MAP3K13: variants seen among roughly 807,000 people sequenced by gnomAD.
MAP3K13 encodes mitogen-activated protein kinase kinase kinase 13.
Under a neutral mutation model 104.0 loss-of-function variants are expected in MAP3K13, and 52 were observed. That is an observed-to-expected ratio of 0.50 (90% CI 0.40 to 0.63). The LOEUF is 0.63. MAP3K13 is among the 20% of genes least tolerant of loss of function. The probability of loss-of-function intolerance (pLI) is 0.00; values close to 1 mark genes in which losing one functional copy is unlikely to be tolerated. For synonymous variants in MAP3K13, 394 were observed against 442.2 expected, an observed-to-expected ratio of 0.89 and a Z score of 1.37; for missense variants, 914 against 1,218.5, an observed-to-expected ratio of 0.75 and a Z score of 3.72.
intron 2 of MAP3K13, among the ~76,000 whole-genome samples, chr3:185,317,026 T>C (rs529805123): frequency 6.6e-6 from 1 of 152,326 alleles, no homozygotes; most frequent in South Asian, 2.1e-4. Flanking sequence ...AGGAAAAATA[T>C]TAAAAAGCAG....
chr3:185,293,933 T>C (rs550295797), intron 2 of MAP3K13, among the ~76,000 whole-genome samples: 1 of 152,340 alleles, frequency 6.6e-6, no homozygotes, highest in South Asian at 2.1e-4. Flanking sequence ...TATTTTAATA[T>C]CTATTCTGAT....
At chr3:185,331,206 G>A (rs1172910147) in intron 2 of MAP3K13, among the ~76,000 whole-genome samples, 1 of 142,374 alleles carries the variant, frequency 7.0e-6, no homozygotes, top group African/African-American at 2.6e-5. Context: ...CGATTCTCCT[G>A]CCTCAGCCTC....
chr3:185,477,043 C>T (rs1261414092), intron 11 of MAP3K13: 3 of 564,722 alleles, frequency 5.3e-6, no homozygotes, highest in Non-Finnish European at 1.0e-5. Flanking sequence ...CATCACTCAC[C>T]TCTGGACACT....
At chr3:185,404,812 G>A (rs376337129) in intron 1 of MAP3K13, among the ~76,000 whole-genome samples, 4 of 152,240 alleles carry the variant, frequency 2.6e-5, no homozygotes, top group African/African-American at 9.6e-5. Flanking sequence ...CCTGACCTCA[G>A]GTGATCCGCC....
chr3:185,433,305 T>C (rs748406811), intron 2 of MAP3K13, among the ~76,000 whole-genome samples: 2 of 152,152 alleles, frequency 1.3e-5, no homozygotes, highest in African/African-American at 4.8e-5. Flanking sequence ...ATCATAGTCA[T>C]TGGGAAGATA....
At chr3:185,348,195 A>C (rs147492651) in intron 2 of MAP3K13, among the ~76,000 whole-genome samples, 1 of 152,268 alleles carries the variant, frequency 6.6e-6, no homozygotes, top group African/African-American at 2.4e-5. Flanking sequence ...GTTTTCTGGA[A>C]TTCTACTTTT....
At chr3:185,353,658 T>A (rs531855696) in intron 2 of MAP3K13, among the ~76,000 whole-genome samples, 1 of 152,342 alleles carries the variant, frequency 6.6e-6, no homozygotes, top group South Asian at 2.1e-4. Flanking sequence ...AAAACTGACT[T>A]CACAATTTAC....
Position 185,487,073 on chromosome 3 carries a change from T to C in MAP3K13, c.*4617T>C, listed in dbSNP as rs1353037090. On this transcript the variant is annotated 3_prime_UTR_variant, in exon 14 of 14. Coordinates refer to ENST00000265026, the MANE Select transcript of MAP3K13 (RefSeq NM_004721.5). ...GATTTAGTAAGTACTGGACATCTCC[T>C]GTAGAGCTTCATCATGCTAAATTAT... The C allele has an allele frequency of 2.6e-5, 4 of 152,232 alleles. No homozygotes were observed. Among genetic ancestry groups the C allele is most frequent in the African/African-American group, 9.6e-5 (4 of 41,454 alleles). The allele number at this position is 152,232 out of a possible 1,614,324, so 9.4% of individuals were successfully genotyped here.
intron 2 of MAP3K13, among the ~76,000 whole-genome samples, chr3:185,317,813 A>C (rs191968535): frequency 6.6e-6 from 1 of 152,332 alleles, no homozygotes; most frequent in Admixed American, 6.5e-5. Context: ...TCTGTGGTGT[A>C]ACATTCAAGT....
chr3:185,286,495 TA>T (rs774819173), intron 2 of MAP3K13, among the ~76,000 whole-genome samples: 1,470 of 142,690 alleles, frequency 0.01, 10 homozygotes, highest in African/African-American at 0.022. Flanking sequence ...TGTTTGAAAT[TA>T]AAAAAAAAAA....
intron 2 of MAP3K13, among the ~76,000 whole-genome samples, chr3:185,311,060 C>T (rs1417443637): frequency 2.6e-5 from 4 of 152,194 alleles, no homozygotes. Context: ...CTCTAAAGCA[C>T]TCAACAAGTG....
Position 185,480,268 on chromosome 3 carries a change from A to T in MAP3K13, c.2538A>T (p.Ser846=). The part of the protein sequence containing the change: ...HRCISSCQSY[S]TFSSENFSVS... ...GTATCAGCAGCTGCCAGTCATATTC[A>T]ACCTTTAGCTCTGAGAATTTCTCTG... The change falls in exon 13 of 14, where the codon TCA becomes TCT. Residue 846 remains serine (S), a synonymous_variant. Coordinates refer to ENST00000265026, the MANE Select transcript of MAP3K13 (RefSeq NM_004721.5). 2 of 1,614,158 alleles carry T rather than the reference A, an allele frequency of 1.2e-6. No individual in the cohort carries two copies. Among genetic ancestry groups the T allele is most frequent in the South Asian group, 1.1e-5 (1 of 91,092 alleles).
chr3:185,488,248 G>A lies in MAP3K13; in HGVS notation c.*5792G>A, dbSNP rs1394063735. The stretch of plus-strand genomic sequence containing the variant: ...TCAGTATGAATTTAGTGCCTTTCCA[G>A]GCAGCAAAATGTTTCTTCTTTGCTG... On this transcript the variant is annotated 3_prime_UTR_variant, in exon 14 of 14. Coordinates refer to ENST00000265026, the MANE Select transcript of MAP3K13 (RefSeq NM_004721.5). 2 of 152,308 alleles carry A rather than the reference G, an allele frequency of 1.3e-5. No individual in the cohort carries two copies. Among genetic ancestry groups the A allele is most frequent in the South Asian group, 2.1e-4 (1 of 4,822 alleles). 9.4% of individuals were successfully genotyped at this position (152,308 alleles called of 1,614,324 possible). A position where few individuals can be genotyped will look rare whatever the true frequency, so the allele number is the denominator to read the frequency against.
At chr3:185,417,342 A>T (rs1310625269) in intron 1 of MAP3K13, among the ~76,000 whole-genome samples, 2 of 152,114 alleles carry the variant, frequency 1.3e-5, no homozygotes, top group Non-Finnish European at 2.9e-5. Flanking sequence ...ATTCATCTGG[A>T]CCTTAGAACT....
rs572399584 is a variant in MAP3K13, at chr3:185,468,694, C to T, written c.1643+1731C>T. Among the ~76,000 whole-genome samples the T allele has an allele frequency of 9.2e-5, 14 of 152,306 alleles. No homozygotes were observed. The South Asian group carries it at 2.3e-3, about 25-fold the overall frequency. ...GGACTAATAGGTACCTAACTTCTAA[C>T]GAGTAACTACACGGACTAATTCCAA... is the stretch of plus-strand genomic sequence containing the variant. On this transcript the variant is annotated intron_variant, in intron 10 of 13. Coordinates refer to ENST00000265026, the MANE Select transcript of MAP3K13 (RefSeq NM_004721.5).
At chr3:185,309,279 G>C (rs1287675427) in intron 2 of MAP3K13, among the ~76,000 whole-genome samples, 1 of 152,120 alleles carries the variant, frequency 6.6e-6, no homozygotes, top group Admixed American at 6.5e-5. Context: ...ACAAGGTGGT[G>C]GGTGGATTGC....
At chr3:185,385,827 A>G (rs1711655079) in intron 1 of MAP3K13, among the ~76,000 whole-genome samples, 1 of 152,070 alleles carries the variant, frequency 6.6e-6, no homozygotes, top group Admixed American at 6.6e-5. Context: ...ACACTGCAAA[A>G]TTCTGTCTCT....
intron 9 of MAP3K13, among the ~76,000 whole-genome samples, chr3:185,466,353 T>C (rs1369146549): frequency 4.0e-5 from 6 of 151,720 alleles, no homozygotes; most frequent in Non-Finnish European, 8.8e-5. Flanking sequence ...TCAGGTTAAT[T>C]TGAATTTAGT....
chr3:185,349,854 T>C (rs1011967862), intron 2 of MAP3K13, among the ~76,000 whole-genome samples: 4 of 152,218 alleles, frequency 2.6e-5, no homozygotes, highest in African/African-American at 9.6e-5. Flanking sequence ...CTTAGCATGC[T>C]GTGTGCGTAC....
Sources: allele counts gnomAD v4.1 joint callset (sites outside exome capture counted in the v4.1 genomes callset), GRCh38; gene constraint gnomAD v4.1.1; transcripts MANE v1.5; gene names NCBI Gene and HGNC (gene_info 2026-07-23, HGNC 2026-07-21).